ADAM22: variants seen among roughly 807,000 people sequenced by gnomAD.
The protein encoded by ADAM22 is disintegrin and metalloproteinase domain-containing protein 22.
A neutral mutation model predicts 144.6 loss-of-function variants in ADAM22; 65 were observed. The observed-to-expected ratio is 0.45, with a 90% CI of 0.37 to 0.55. The LOEUF (loss-of-function observed/expected upper bound fraction) is 0.55. Ranked by LOEUF, ADAM22 falls within the 20% of genes least tolerant of loss-of-function variation. The pLI is 0.00. For missense variants in ADAM22, 974 were observed against 1,184.9 expected, an observed-to-expected ratio of 0.82 and a Z score of 2.61; for synonymous variants, 391 against 412.6, an observed-to-expected ratio of 0.95 and a Z score of 0.63.
At chr7:88,032,823 T>C (rs137964304) in intron 3 of ADAM22, among the ~76,000 whole-genome samples, 1 of 152,196 alleles carries the variant, frequency 6.6e-6, no homozygotes, top group African/African-American at 2.4e-5. Context: ...TGGTTGTTTG[T>C]AAGTGTGTAA....
chr7:88,172,862 C>G (rs955594472), intron 26 of ADAM22, among the ~76,000 whole-genome samples: 3 of 151,970 alleles, frequency 2.0e-5, no homozygotes, highest in African/African-American at 7.2e-5. Context: ...GCCGTTTAGA[C>G]TTTCTGTTGG....
chr7:88,171,570 T>A lies in ADAM22; in HGVS notation c.2300+9T>A. Reference sequence around the variant, plus strand: ...AACTATCGAGAACAGAGGTATGTAATACAAATAATGTGAACATAAAACTGA... The same window carrying A: ...AACTATCGAGAACAGAGGTATGTAAAACAAATAATGTGAACATAAAACTGA... On this transcript the variant is annotated intron_variant, in intron 26 of 31. Transcript: ENST00000413139. 1 of 1,579,152 alleles carries A rather than the reference T, an allele frequency of 6.3e-7. No homozygotes were observed. Among genetic ancestry groups the A allele is most frequent in the Non-Finnish European group, 8.6e-7 (1 of 1,167,430 alleles).
chr7:88,123,425 G>C lies in ADAM22; in HGVS notation c.608-2164G>C, dbSNP rs1829756803. ...AATTAAGAATTAAAGTTATTTAATA[G>C]ATACAGGATTATTCAGATTTTCTAT... On this transcript the variant is annotated intron_variant, in intron 7 of 31. Coordinates refer to ENST00000413139, the MANE Select transcript of ADAM22 (RefSeq NM_001324418.2). Among the ~76,000 whole-genome samples the C allele has an allele frequency of 2.0e-5, 3 of 151,974 alleles. No homozygotes were observed. The South Asian group carries it at 6.2e-4, about 31-fold the overall frequency.
chr7:87,958,059 G>A (rs1273099895), intron 2 of ADAM22, among the ~76,000 whole-genome samples: 5 of 152,012 alleles, frequency 3.3e-5, no homozygotes, highest in Non-Finnish European at 7.4e-5. Context: ...TTTTATTGCT[G>A]CCTGCCTTCC....
chr7:87,976,984 G>A (rs1167875064), intron 2 of ADAM22, among the ~76,000 whole-genome samples: 1 of 151,964 alleles, frequency 6.6e-6, no homozygotes, highest in Non-Finnish European at 1.5e-5. Context: ...GAAATGAAGG[G>A]TAAGGTGTGG....
At chr7:87,985,820 A>G (rs1788341310) in intron 3 of ADAM22, among the ~76,000 whole-genome samples, 1 of 152,164 alleles carries the variant, frequency 6.6e-6, no homozygotes. Flanking sequence ...TCTCTTGGAT[A>G]GATACCTAGA....
chr7:88,157,466 A>G (rs1840294770), intron 22 of ADAM22, among the ~76,000 whole-genome samples: 1 of 152,158 alleles, frequency 6.6e-6, no homozygotes, highest in African/African-American at 2.4e-5. Flanking sequence ...ACTCTGGCAA[A>G]ATATCAAACA....
chr7:88,189,557 A>T (rs924139748), intron 30 of ADAM22, among the ~76,000 whole-genome samples: 1 of 152,228 alleles, frequency 6.6e-6, no homozygotes, highest in South Asian at 2.1e-4. Context: ...CCTGACTCTG[A>T]ATCCAAAATC....
rs771586983 is a variant in ADAM22, at chr7:88,153,306, A to G, written c.1767A>G (p.Thr589=). 5 of 1,613,122 alleles carry G rather than the reference A, an allele frequency of 3.1e-6. No homozygotes were observed. Among genetic ancestry groups the G allele is most frequent in the Admixed American group, 3.3e-5 (2 of 59,902 alleles). Residue 589 remains threonine (T), a synonymous_variant, in exon 21 of 32, where the codon ACA becomes ACG. Transcript: ENST00000413139. ...GTAACTGTGGGAAAGACAAAGACAC[A>G]TGGATACAGTGCAACAAACGGTGAG... ...EKGNCGKDKD[T]WIQCNKRDVL...
intron 3 of ADAM22, among the ~76,000 whole-genome samples, chr7:87,998,169 A>G (rs934245885): frequency 6.6e-6 from 1 of 152,092 alleles, no homozygotes; most frequent in African/African-American, 2.4e-5. Context: ...CTTTTATCCT[A>G]GGCACACTTG....
At chr7:87,977,092 A>G (rs1379339995) in intron 2 of ADAM22, among the ~76,000 whole-genome samples, 1 of 152,176 alleles carries the variant, frequency 6.6e-6, no homozygotes, top group South Asian at 2.1e-4. Flanking sequence ...CATGAGGCTG[A>G]GAGGTACCCA....
chr7:87,942,011 G>A (rs1351049978), intron 2 of ADAM22, among the ~76,000 whole-genome samples: 1 of 152,156 alleles, frequency 6.6e-6, no homozygotes, highest in Admixed American at 6.5e-5. Context: ...ACAGGAATCT[G>A]TAAGGTCGGT....
chr7:88,007,149 T>C (rs1196207052), intron 3 of ADAM22, among the ~76,000 whole-genome samples: 1 of 152,144 alleles, frequency 6.6e-6, no homozygotes, highest in African/African-American at 2.4e-5. Context: ...CCATTTACAA[T>C]TGCTTCAAAG....
rs116277289 is a variant in ADAM22, at chr7:88,076,050, T to C, written c.390+358T>C. On this transcript the variant is annotated intron_variant, in intron 4 of 31. Coordinates refer to ENST00000413139, the MANE Select transcript of ADAM22 (RefSeq NM_001324418.2). ...TTTTTTTGAGACAAAGTCTCGCTCT[T>C]GTCGCCCAGCTGGAGTGCAATGGCG... Among the ~76,000 whole-genome samples the C allele has an allele frequency of 4.8e-3, 725 of 152,280 alleles. 9 individuals carry two copies. The highest frequency in any genetic ancestry group is 0.016 in the African/African-American group (679 of 41,556).
At chr7:88,056,363 G>T (rs185196310) in intron 3 of ADAM22, among the ~76,000 whole-genome samples, 22 of 152,278 alleles carry the variant, frequency 1.4e-4, no homozygotes, top group Non-Finnish European at 1.5e-5. Context: ...TTTTCACTTG[G>T]ATGCATCTGT....
At chr7:88,192,436 A>G (rs78996845) in intron 30 of ADAM22, among the ~76,000 whole-genome samples, 7,544 of 152,310 alleles carry the variant, frequency 0.05, 211 homozygotes, top group Middle Eastern at 0.061. Flanking sequence ...TCAATCAAGT[A>G]CAGCATAATA....
chr7:88,067,367 G>T (rs928651473), intron 3 of ADAM22, among the ~76,000 whole-genome samples: 5 of 151,552 alleles, frequency 3.3e-5, no homozygotes, highest in African/African-American at 9.7e-5. Flanking sequence ...TTCAGCATTA[G>T]GTATATCTCC....
intron 17 of ADAM22, among the ~76,000 whole-genome samples, chr7:88,147,067 G>A (rs932664005): frequency 1.1e-4 from 16 of 152,082 alleles, no homozygotes; most frequent in Non-Finnish European, 2.2e-4. Context: ...TTTTCCCTTT[G>A]ATTTATACAA....
At chr7:88,122,392 C>A (rs1451363666) in intron 7 of ADAM22, among the ~76,000 whole-genome samples, 3 of 152,174 alleles carry the variant, frequency 2.0e-5, no homozygotes, top group Non-Finnish European at 2.9e-5. Flanking sequence ...GTTTTACTCA[C>A]ACTCAGAGAG....
Sources: allele counts gnomAD v4.1 joint callset (sites outside exome capture counted in the v4.1 genomes callset), GRCh38; gene constraint gnomAD v4.1.1; transcripts MANE v1.5; gene names NCBI Gene and HGNC (gene_info 2026-07-23, HGNC 2026-07-21).